Variants in CDK6 observed in about 807,000 individuals in gnomAD.
The protein encoded by CDK6 is cyclin-dependent kinase 6.
In CDK6, 6 loss-of-function variants were observed where a neutral mutation model predicts 37.1. That is an observed-to-expected ratio of 0.16 (90% CI 0.09 to 0.32). The LOEUF is 0.32. CDK6 is among the 10% of genes least tolerant of loss of function. The pLI is 1.00. For missense variants in CDK6, 224 were observed against 418.9 expected, an observed-to-expected ratio of 0.53 and a Z score of 4.06; for synonymous variants, 160 against 161.3, an observed-to-expected ratio of 0.99 and a Z score of 0.06.
chr7:92,727,303 G>A lies in CDK6; in HGVS notation c.370-1510C>T, dbSNP rs375879389. On this transcript the variant is annotated intron_variant, in intron 3 of 7. Transcript: ENST00000424848. ...TGTGAGGATACACTTATCATTGGCCGGACCACTGAATCCTCTCATCGAGAA... is the reference window on the plus strand; with the variant it reads ...TGTGAGGATACACTTATCATTGGCCAGACCACTGAATCCTCTCATCGAGAA... Among the ~76,000 whole-genome samples, 57 of 152,206 alleles carry A rather than the reference G, an allele frequency of 3.7e-4. No individual in the cohort carries two copies. In the South Asian group the frequency reaches 9.1e-3, roughly 24 times the overall value.
At chr7:92,712,176 C>A (rs1175729381) in intron 4 of CDK6, among the ~76,000 whole-genome samples, 6 of 149,782 alleles carry the variant, frequency 4.0e-5, no homozygotes, top group Middle Eastern at 3.5e-3. Context: ...AAAAAAAGAA[C>A]CATGAGAGTT....
intron 5 of CDK6, among the ~76,000 whole-genome samples, chr7:92,645,854 C>T (rs1298995628): frequency 6.6e-6 from 1 of 152,236 alleles, no homozygotes; most frequent in Non-Finnish European, 1.5e-5. Context: ...AAGGCTCCAT[C>T]TTTTGGCGGC....
At chr7:92,710,214 T>C (rs1585418304) in intron 4 of CDK6, among the ~76,000 whole-genome samples, 1 of 152,198 alleles carries the variant, frequency 6.6e-6, no homozygotes, top group East Asian at 1.9e-4. Flanking sequence ...GATTGGTCAA[T>C]GGGTAGGTAC....
chr7:92,732,802 C>T (rs76152533), intron 3 of CDK6, among the ~76,000 whole-genome samples: 3,055 of 152,312 alleles, frequency 0.02, 46 homozygotes, highest in Non-Finnish European at 0.035. Context: ...GCTGTACTTC[C>T]TCATCTCCCA....
At chr7:92,794,882 G>C (rs890874661) in intron 2 of CDK6, among the ~76,000 whole-genome samples, 1 of 144,292 alleles carries the variant, frequency 6.9e-6, no homozygotes, top group African/African-American at 2.8e-5. Flanking sequence ...TCCAAAAAGA[G>C]GTGTGATAAT....
chr7:92,764,897 T>C (rs1223687962), intron 3 of CDK6, among the ~76,000 whole-genome samples: 1 of 152,222 alleles, frequency 6.6e-6, no homozygotes, highest in African/African-American at 2.4e-5. Flanking sequence ...CTTTCACTGA[T>C]TTAAAATTTT....
intron 4 of CDK6, among the ~76,000 whole-genome samples, chr7:92,721,178 C>T (rs930465726): frequency 2.0e-5 from 3 of 152,208 alleles, no homozygotes; most frequent in Non-Finnish European, 4.4e-5. Flanking sequence ...TACGGACACT[C>T]CAGTCTGCAA....
Position 92,617,704 on chromosome 7 carries a change from C to G in CDK6, c.834+368G>C, listed in dbSNP as rs1489160511. 2.6e-5 allele frequency among the ~76,000 whole-genome samples: 4 copies of G among 152,130 alleles called. No individual in the cohort carries two copies. The East Asian group carries it at 7.7e-4, about 29-fold the overall frequency. On this transcript the variant is annotated intron_variant, in intron 7 of 7. Coordinates refer to ENST00000424848, the MANE Select transcript of CDK6 (RefSeq NM_001145306.2). ...AGTTGTGAATGTTTAAGAAAAGGCA[C>G]GTTAAAATGACAAACAAATTACTTA...
intron 3 of CDK6, among the ~76,000 whole-genome samples, chr7:92,727,541 A>G (rs1167013272): frequency 6.6e-6 from 1 of 152,246 alleles, no homozygotes; most frequent in East Asian, 1.9e-4. Flanking sequence ...AGCACTTGAC[A>G]AACAGTAATT....
chr7:92,698,410 G>C (rs1797769016), intron 4 of CDK6, among the ~76,000 whole-genome samples: 1 of 152,132 alleles, frequency 6.6e-6, no homozygotes, highest in African/African-American at 2.4e-5. Context: ...TCGTTAGCTG[G>C]AAAATTCCTG....
In CDK6 at chr7:92,605,754, T is replaced by C. The variant is rs1370238470; in HGVS notation, c.*9386A>G. The C allele has an allele frequency of 8.6e-6, 2 of 233,160 alleles. No individual in the cohort carries two copies. Among genetic ancestry groups the C allele is most frequent in the East Asian group, 6.0e-5 (1 of 16,588 alleles). The allele number at this position is 233,160 out of a possible 1,614,324, so 14.4% of individuals were successfully genotyped here. On this transcript the variant is annotated 3_prime_UTR_variant, in exon 8 of 8. Coordinates refer to ENST00000424848, the MANE Select transcript of CDK6 (RefSeq NM_001145306.2). ...AGCCCTTCCCCTCTTGCTATGTCTA[T>C]ACCATACCTGAGGCCATTTTTCTTA...
intron 2 of CDK6, among the ~76,000 whole-genome samples, chr7:92,832,110 G>C (rs972857079): frequency 1.3e-5 from 2 of 152,162 alleles, no homozygotes; most frequent in African/African-American, 4.8e-5. Context: ...ATTTGCAGAA[G>C]TTTCTAGGCA....
chr7:92,806,282 A>G (rs1800723241), intron 2 of CDK6, among the ~76,000 whole-genome samples: 2 of 152,000 alleles, frequency 1.3e-5, no homozygotes, highest in East Asian at 1.9e-4. Context: ...TATGTTCCCA[A>G]CTCTCCCAAA....
At chr7:92,779,163 T>C (rs750368905) in intron 2 of CDK6, among the ~76,000 whole-genome samples, 4 of 152,046 alleles carry the variant, frequency 2.6e-5, no homozygotes, top group Non-Finnish European at 5.9e-5. Context: ...AAATAACATC[T>C]AACCCACCCA....
chr7:92,631,445 G>GACA (rs552297608), intron 5 of CDK6, among the ~76,000 whole-genome samples: 9 of 152,170 alleles, frequency 5.9e-5, no homozygotes, highest in Non-Finnish European at 1.2e-4. Flanking sequence ...AAGTGGTCCA[G>GACA]ACAGACAGGT....
chr7:92,704,058 T>G (rs1388419308), intron 4 of CDK6, among the ~76,000 whole-genome samples: 1 of 152,102 alleles, frequency 6.6e-6, no homozygotes, highest in Non-Finnish European at 1.5e-5. Context: ...ACTAGAATGC[T>G]CTCCTGAATC....
At chr7:92,787,783 A>G (rs183090037) in intron 2 of CDK6, among the ~76,000 whole-genome samples, 1 of 152,276 alleles carries the variant, frequency 6.6e-6, no homozygotes, top group Admixed American at 6.5e-5. Context: ...AAGTCTTCAG[A>G]TTACTCTAAT....
At chr7:92,707,917 C>T (rs187274865) in intron 4 of CDK6, among the ~76,000 whole-genome samples, 1 of 152,286 alleles carries the variant, frequency 6.6e-6, no homozygotes, top group East Asian at 1.9e-4. Context: ...GAGGAAGACA[C>T]ACAGTGGTGA....
intron 3 of CDK6, among the ~76,000 whole-genome samples, chr7:92,726,604 TCTCA>T (rs1223769000): frequency 1.3e-5 from 2 of 152,014 alleles, no homozygotes; most frequent in Non-Finnish European, 2.9e-5. Flanking sequence ...AGAGATGCGA[TCTCA>T]CTATGTTGCC....
Sources: gnomAD v4.1 joint callset for allele counts (sites outside exome capture counted in the v4.1 genomes callset) on GRCh38, gnomAD v4.1.1 for gene constraint, MANE v1.5 for transcripts, NCBI Gene and HGNC (gene_info 2026-07-23, HGNC 2026-07-21) for gene names.